The following NFKB1 variants were observed in gnomAD, a reference collection of about 807,000 sequenced individuals.
NFKB1 encodes the protein nuclear factor kappa B subunit 1, also known as nuclear factor NF-kappa-B p105 subunit.
Under a neutral mutation model 105.1 loss-of-function variants are expected in NFKB1, and 9 were observed. The ratio of observed to expected loss-of-function variants is 0.09; its 90% CI spans 0.05 to 0.15. The LOEUF (loss-of-function observed/expected upper bound fraction) is 0.15. Ranked by LOEUF, NFKB1 falls within the 10% of genes least tolerant of loss-of-function variation. The probability of loss-of-function intolerance (pLI) is 1.00; values close to 1 mark genes in which losing one functional copy is unlikely to be tolerated. For missense variants in NFKB1, 830 were observed against 1,203.7 expected (o/e 0.69, Z 4.59); for synonymous variants, 440 against 442.2 (o/e 1.00, Z 0.06).
At chr4:102,571,152 C>T (rs2149173748) in intron 6 of NFKB1, among the ~76,000 whole-genome samples, 1 of 152,296 alleles carries the variant, frequency 6.6e-6, no homozygotes, top group African/African-American at 2.4e-5. Context: ...ACCAATGGAA[C>T]AGAACAGAGC....
chr4:102,568,208 CTG>C (rs1560680687), intron 6 of NFKB1, among the ~76,000 whole-genome samples: 1 of 151,686 alleles, frequency 6.6e-6, no homozygotes, highest in Non-Finnish European at 1.5e-5. Flanking sequence ...CTTTGTTTGA[CTG>C]TGAAAATATT....
intron 1 of NFKB1, among the ~76,000 whole-genome samples, chr4:102,521,664 C>T (rs1740581032): frequency 6.6e-6 from 1 of 152,108 alleles, no homozygotes; most frequent in Admixed American, 6.6e-5. Context: ...CAAGGACAGG[C>T]GTGCCCCCAA....
intron 22 of NFKB1, among the ~76,000 whole-genome samples, chr4:102,613,002 G>A (rs1052884858): frequency 2.3e-4 from 35 of 151,706 alleles, no homozygotes; most frequent in African/African-American, 7.1e-4. Flanking sequence ...GCCATTACCC[G>A]GGGATTTTTT....
At chr4:102,601,160 G>A in intron 16 of NFKB1, 151 bp downstream of exon 16, 1 of 589,350 alleles carries the variant, frequency 1.7e-6, no homozygotes. Flanking sequence ...CCCATTAGTT[G>A]AGAATGTTAC....
In NFKB1 at chr4:102,514,904, G is replaced by A. The variant is rs58718302; in HGVS notation, c.-7-10608G>A. On this transcript the variant is annotated intron_variant, in intron 1 of 23. Transcript: ENST00000226574. ...ACTTTATCTGATATTTTAGAATGTA[G>A]CCTGCTTTTCTTATATTTAGCATTT... Among the ~76,000 whole-genome samples, 1,099 of 151,922 alleles carry A rather than the reference G, an allele frequency of 7.2e-3. 7 individuals carry two copies. Among genetic ancestry groups the A allele is most frequent in the African/African-American group, 0.021 (857 of 41,434 alleles).
chr4:102,570,896 T>C (rs1361393920), intron 6 of NFKB1, among the ~76,000 whole-genome samples: 1 of 152,114 alleles, frequency 6.6e-6, no homozygotes, highest in Admixed American at 6.5e-5. Flanking sequence ...ATCGTGAAAA[T>C]GGCCATACTG....
chr4:102,541,477 T>C (rs1228859820), intron 5 of NFKB1, among the ~76,000 whole-genome samples: 2 of 152,212 alleles, frequency 1.3e-5, no homozygotes, highest in Non-Finnish European at 2.9e-5. Context: ...ATAGAAAAGA[T>C]AAAATATGTA....
At chr4:102,570,516 T>C (rs1004963613) in intron 6 of NFKB1, among the ~76,000 whole-genome samples, 1 of 152,206 alleles carries the variant, frequency 6.6e-6, no homozygotes, top group African/African-American at 2.4e-5. Flanking sequence ...ACTGCCGCAG[T>C]GAACATTAAC....
chr4:102,564,585 G>C (rs894456713), intron 5 of NFKB1, among the ~76,000 whole-genome samples: 5 of 152,152 alleles, frequency 3.3e-5, no homozygotes, highest in Admixed American at 3.3e-4. Context: ...CTTTACCTCA[G>C]GAATTACCCA....
At chr4:102,523,853 G>A (rs1740725605) in intron 1 of NFKB1, among the ~76,000 whole-genome samples, 1 of 152,130 alleles carries the variant, frequency 6.6e-6, no homozygotes, top group Non-Finnish European at 1.5e-5. Context: ...GCACTGGTGA[G>A]CATTTGGTCA....
intron 5 of NFKB1, among the ~76,000 whole-genome samples, chr4:102,551,196 G>T (rs1346823412): frequency 6.6e-6 from 1 of 152,162 alleles, no homozygotes; most frequent in Non-Finnish European, 1.5e-5. Context: ...ACAGTGCTGG[G>T]CTCTGTGTTG....
intron 16 of NFKB1, among the ~76,000 whole-genome samples, chr4:102,604,291 TTTTAA>T (rs1727482969): frequency 6.6e-6 from 1 of 152,280 alleles, no homozygotes; most frequent in South Asian, 2.1e-4. Context: ...TTTAAAATTT[TTTTAA>T]TTTAATTTAA....
chr4:102,550,568 C>A (rs954049883), intron 5 of NFKB1, among the ~76,000 whole-genome samples: 5 of 152,064 alleles, frequency 3.3e-5, no homozygotes, highest in African/African-American at 9.7e-5. Context: ...TAACTGAAAA[C>A]CCTCATCATC....
chr4:102,547,456 C>G (rs1409888030), intron 5 of NFKB1, among the ~76,000 whole-genome samples: 2 of 152,154 alleles, frequency 1.3e-5, no homozygotes, highest in African/African-American at 4.8e-5. Context: ...GGTTTTAAAG[C>G]ATTGGCTCTG....
rs775040059 is a variant in NFKB1, at chr4:102,533,837, G to A, written c.119-8G>A. On this transcript the variant is annotated splice_polypyrimidine_tract_variant and splice_region_variant and intron_variant, in intron 3 of 23. Coordinates refer to ENST00000226574, the MANE Select transcript of NFKB1 (RefSeq NM_003998.4). ...CTTTTGGTTTCTGTTTGTTGTTTTT[G>A]TTTTTAGCAGATGGCCCATACCTTC... 1.2e-6 allele frequency: 2 copies of A among 1,610,900 alleles called. No homozygotes were observed. Among genetic ancestry groups the A allele is most frequent in the Non-Finnish European group, 1.7e-6 (2 of 1,178,770 alleles).
chr4:102,597,735 TAG>T, intron 15 of NFKB1, 74 bp downstream of exon 15: 1 of 1,460,358 alleles, frequency 6.8e-7, no homozygotes, highest in East Asian at 2.4e-5. Context: ...GCATACTGAC[TAG>T]AGATAAAAAT....
At chr4:102,591,531 A>T (rs1238210078) in intron 11 of NFKB1, among the ~76,000 whole-genome samples, 1 of 152,184 alleles carries the variant, frequency 6.6e-6, no homozygotes, top group Non-Finnish European at 1.5e-5. Flanking sequence ...GCTCTTAAGA[A>T]TTATGCCAAA....
chr4:102,527,170 A>G (rs1382077463), intron 2 of NFKB1, among the ~76,000 whole-genome samples: 4 of 152,196 alleles, frequency 2.6e-5, no homozygotes, highest in Non-Finnish European at 5.9e-5. Flanking sequence ...TCAGGAACCT[A>G]CTATTTTAAT....
intron 11 of NFKB1, among the ~76,000 whole-genome samples, chr4:102,589,972 G>GAAAAC (rs758442045): frequency 3.0e-4 from 46 of 152,186 alleles, no homozygotes; most frequent in Middle Eastern, 3.4e-3. Context: ...ACAGAAAGAT[G>GAAAAC]AAAACAAAAC....
Sources: gnomAD v4.1 joint callset for allele counts (sites outside exome capture counted in the v4.1 genomes callset) on GRCh38, gnomAD v4.1.1 for gene constraint, MANE v1.5 for transcripts, NCBI Gene and HGNC (gene_info 2026-07-23, HGNC 2026-07-21) for gene names.